ALG6: variants seen among roughly 807,000 people sequenced by gnomAD.
ALG6 encodes the protein dolichyl pyrophosphate Man9GlcNAc2 alpha-1,3-glucosyltransferase.
A neutral mutation model predicts 66.6 loss-of-function variants in ALG6; 46 were observed. That is an observed-to-expected ratio of 0.69 (90% confidence interval 0.55 to 0.88). ALG6 has a LOEUF of 0.88. ALG6 is among the 40% of genes least tolerant of loss of function. ALG6 has a pLI of 0.00. For synonymous variants in ALG6, 185 were observed against 203.7 expected, an observed-to-expected ratio of 0.91 and a Z score of 0.78; for missense variants, 505 against 586.8, an observed-to-expected ratio of 0.86 and a Z score of 1.44.
intron 2 of ALG6, among the ~76,000 whole-genome samples, chr1:63,375,066 T>C (rs542436114): frequency 6.6e-5 from 10 of 152,152 alleles, no homozygotes; most frequent in Non-Finnish European, 1.2e-4. Context: ...TTAGGCATGA[T>C]GGCACATGCC....
At chr1:63,431,465 G>A (rs1644644957) in intron 14 of ALG6, among the ~76,000 whole-genome samples, 1 of 152,032 alleles carries the variant, frequency 6.6e-6, no homozygotes, top group Non-Finnish European at 1.5e-5. Flanking sequence ...TGCCCAGATT[G>A]GAGTGCAATG....
At chr1:63,389,972 G>A (rs1259143819) in intron 2 of ALG6, among the ~76,000 whole-genome samples, 1 of 152,208 alleles carries the variant, frequency 6.6e-6, no homozygotes, top group East Asian at 1.9e-4. Flanking sequence ...GGGAGCTGGA[G>A]GAGGGGTGAC....
intron 3 of ALG6, among the ~76,000 whole-genome samples, chr1:63,401,158 C>T (rs945694216): frequency 9.2e-5 from 14 of 152,110 alleles, no homozygotes; most frequent in Non-Finnish European, 1.9e-4. Context: ...CTGTAGTACT[C>T]TATGCCCAGA....
intron 2 of ALG6, among the ~76,000 whole-genome samples, chr1:63,385,035 A>C (rs1000341636): frequency 2.6e-5 from 4 of 151,918 alleles, no homozygotes; most frequent in African/African-American, 9.7e-5. Flanking sequence ...AGTTTGATGG[A>C]GATTGCATTG....
intron 3 of ALG6, 80 bp downstream of exon 3, chr1:63,396,677 A>G (rs900476685): frequency 5.6e-6 from 7 of 1,245,686 alleles, no homozygotes; most frequent in South Asian, 4.9e-5. Context: ...ACAACACGCT[A>G]TTTTCTTCAT....
At chr1:63,399,797 AT>A (rs921189437) in intron 3 of ALG6, among the ~76,000 whole-genome samples, 5 of 149,530 alleles carry the variant, frequency 3.3e-5, no homozygotes, top group South Asian at 2.1e-4. Flanking sequence ...TGTGGCAGCC[AT>A]TTTTTTTTTA....
At position 63,412,073 on chromosome 1, in the gene ALG6, C is replaced by T; in HGVS notation, c.816+12C>T. On this transcript the variant is annotated intron_variant, in intron 9 of 14. Transcript: ENST00000263440. ...GTGGATTATTTGAGGCATGTTTAAACACTTTCCTCTCCTTTCTGTTACTGT... is the reference window on the plus strand; with the variant it reads ...GTGGATTATTTGAGGCATGTTTAAATACTTTCCTCTCCTTTCTGTTACTGT... 6.2e-7 allele frequency: 1 copy of T among 1,614,014 alleles called. No individual in the cohort carries two copies. The highest frequency in any genetic ancestry group is 8.5e-7 in the Non-Finnish European group (1 of 1,179,926).
chr1:63,389,168 A>ATC (rs750671136), intron 2 of ALG6, among the ~76,000 whole-genome samples: 13 of 149,956 alleles, frequency 8.7e-5, no homozygotes, highest in Non-Finnish European at 1.0e-4. Context: ...TTCTACCCTG[A>ATC]TCTCTCTCTC....
chr1:63,416,324 G>A (rs900029288), intron 11 of ALG6, among the ~76,000 whole-genome samples: 7 of 151,980 alleles, frequency 4.6e-5, no homozygotes, highest in Non-Finnish European at 8.8e-5. Flanking sequence ...TATCTCGGGG[G>A]GAGATTTTAG....
chr1:63,396,130 T>C (rs888920589), intron 2 of ALG6, among the ~76,000 whole-genome samples: 1 of 152,150 alleles, frequency 6.6e-6, no homozygotes, highest in African/African-American at 2.4e-5. Flanking sequence ...GGTCCTAGAA[T>C]GAATCCCCCA....
At position 63,432,770 on chromosome 1, in the gene ALG6, G is replaced by A. The variant is rs1644654022; in HGVS notation, c.1326+3644G>A. Among the ~76,000 whole-genome samples, 3 of 152,156 alleles carry A rather than the reference G, an allele frequency of 2.0e-5. No individual in the cohort carries two copies. In the South Asian group the frequency reaches 6.2e-4, roughly 32 times the overall value. On this transcript the variant is annotated intron_variant, in intron 14 of 14. Coordinates refer to ENST00000263440, the MANE Select transcript of ALG6 (RefSeq NM_013339.4). Reference sequence around the variant, plus strand: ...ATTTGACAACTACTACAAATGTTATGAAGTTGTTGTTGTTGAGACAGGATC... The same window carrying A: ...ATTTGACAACTACTACAAATGTTATAAAGTTGTTGTTGTTGAGACAGGATC...
chr1:63,386,420 T>TGG (rs1648505623), intron 2 of ALG6, among the ~76,000 whole-genome samples: 1 of 152,194 alleles, frequency 6.6e-6, no homozygotes, highest in African/African-American at 2.4e-5. Context: ...TTAGTGAAAT[T>TGG]CAACAGTGAT....
intron 2 of ALG6, among the ~76,000 whole-genome samples, chr1:63,379,798 A>AT (rs1648247781): frequency 6.7e-6 from 1 of 149,884 alleles, no homozygotes; most frequent in African/African-American, 2.4e-5. Flanking sequence ...AAAACATTAT[A>AT]TTATATACAT....
chr1:63,422,256 TA>T (rs1644584660), intron 12 of ALG6, among the ~76,000 whole-genome samples: 1 of 110,632 alleles, frequency 9.0e-6, no homozygotes, highest in African/African-American at 3.8e-5. Flanking sequence ...TATATATATT[TA>T]TATAGATATA....
rs771479098 is a variant in ALG6, at chr1:63,411,952, G to A, written c.707G>A (p.Cys236Tyr). Residue 236 changes from cysteine to tyrosine, a missense_variant, in exon 9 of 15, where the codon TGT (cysteine) becomes TAT (tyrosine). Physicochemically the swap from Cys to Tyr is radical, Grantham distance 194. Coordinates refer to ENST00000263440, the MANE Select transcript of ALG6 (RefSeq NM_013339.4). ...TTTGTGTTGCTAGTTAAGCTAGCTT[G>A]TATTGTTGTGGCTTCCTTCGTTCTC... ...KGFVLLVKLACIVVASFVLCW... is the reference protein window; with the variant it reads ...KGFVLLVKLAYIVVASFVLCW... The A allele has an allele frequency of 1.9e-6, 3 of 1,614,088 alleles. No homozygotes were observed. The Admixed American group carries it at 5.0e-5, about 27-fold the overall frequency.
chr1:63,389,898 C>T (rs1648617749), intron 2 of ALG6, among the ~76,000 whole-genome samples: 1 of 152,174 alleles, frequency 6.6e-6, no homozygotes, highest in South Asian at 2.1e-4. Flanking sequence ...CAGACAAAGA[C>T]TCTTGTTCTT....
At chr1:63,404,574 T>G in intron 5 of ALG6, 33 bp downstream of exon 5, 1 of 1,600,886 alleles carries the variant, frequency 6.2e-7, no homozygotes, top group Non-Finnish European at 8.6e-7. Flanking sequence ...ATATAAAATT[T>G]GATTTTTTAA....
chr1:63,409,684 C>G (rs1400594276), intron 7 of ALG6, among the ~76,000 whole-genome samples: 1 of 151,960 alleles, frequency 6.6e-6, no homozygotes, highest in Admixed American at 6.6e-5. Flanking sequence ...CTTTTTCTGT[C>G]ATAGGTTTTC....
chr1:63,370,895 A>G lies in ALG6; in HGVS notation c.-83A>G, dbSNP rs1238228666. 1.2e-6 allele frequency: 1 copy of G among 849,142 alleles called. No individual in the cohort carries two copies. Among genetic ancestry groups the G allele is most frequent in the Non-Finnish European group, 2.1e-6 (1 of 482,780 alleles). 52.6% of individuals were successfully genotyped at this position (849,142 alleles called of 1,614,324 possible). ...AAGAAGTGATAACATTTCTCTGAAC[A>G]AGAAAAGAAGTGATTGACCACGTTT... On this transcript the variant is annotated 5_prime_UTR_variant, in exon 2 of 15. Transcript: ENST00000263440.
Sources: gnomAD v4.1 joint callset for allele counts (sites outside exome capture counted in the v4.1 genomes callset) on GRCh38, gnomAD v4.1.1 for gene constraint, MANE v1.5 for transcripts, NCBI Gene and HGNC (gene_info 2026-07-23, HGNC 2026-07-21) for gene names.